Variants in LRRC40 observed in about 807,000 individuals in gnomAD.
LRRC40 encodes the protein leucine rich repeat containing 40.
LRRC40 carries 76 observed loss-of-function variants against 72.8 expected under a neutral mutation model. The ratio of observed to expected loss-of-function variants is 1.04; its 90% CI spans 0.87 to 1.26. LRRC40 has a LOEUF of 1.26. LRRC40 is among the 50% of genes most tolerant of loss of function. LRRC40 has a pLI of 0.00. For missense variants in LRRC40, 684 were observed against 698.9 expected (o/e 0.98, Z 0.24); for synonymous variants, 243 against 254.2 (o/e 0.96, Z 0.42).
rs751527008 is a variant in LRRC40 at position 70,187,243 on chromosome 1, A to C, written c.407+22T>G. 9.8e-6 allele frequency: 12 copies of C among 1,227,710 alleles called. No individual in the cohort carries two copies. In the Admixed American group the frequency reaches 2.2e-4, roughly 22 times the overall value. The allele number at this position is 1,227,710 out of a possible 1,614,324, so 76.1% of individuals were successfully genotyped here. ...AAACCATTATAAGGGCAATAATATA[A>C]GTAAATAAGCTTAATTTTTACCTGA... On this transcript the variant is annotated intron_variant, in intron 3 of 14. Coordinates refer to ENST00000370952, the MANE Select transcript of LRRC40 (RefSeq NM_017768.5).
chr1:70,163,601 C>T (rs1667813129), intron 9 of LRRC40, among the ~76,000 whole-genome samples: 1 of 152,154 alleles, frequency 6.6e-6, no homozygotes, highest in Non-Finnish European at 1.5e-5. Flanking sequence ...ATAATAATAT[C>T]CTTATTTTAA....
At chr1:70,180,455 T>TAAAC (rs1026309053) in intron 5 of LRRC40, 6 of 152,172 alleles carry the variant, frequency 3.9e-5, no homozygotes, top group Non-Finnish European at 8.8e-5. Context: ...ACAGTTTCTT[T>TAAAC]AAACAAACAA....
chr1:70,178,849 A>G lies in LRRC40; in HGVS notation c.804+2T>C. 1.3e-6 allele frequency: 2 copies of G among 1,557,726 alleles called. No homozygotes were observed. Among genetic ancestry groups the G allele is most frequent in the South Asian group, 1.2e-5 (1 of 83,994 alleles). ...GTTATTTAATAATCAACTAAATAGT[A>G]CCTTCAATAGACTACAAGAAGGAAA... On this transcript the variant is annotated splice_donor_variant, in intron 6 of 14. Coordinates refer to ENST00000370952, the MANE Select transcript of LRRC40 (RefSeq NM_017768.5). LOFTEE classifies it high-confidence loss of function.
chr1:70,194,594 T>G (rs1047893572), intron 1 of LRRC40, among the ~76,000 whole-genome samples: 1 of 152,062 alleles, frequency 6.6e-6, no homozygotes, highest in Non-Finnish European at 1.5e-5. Context: ...AAATGTGTAT[T>G]GAAATGCAAA....
rs780987203 is a variant in LRRC40, at chr1:70,205,413, A to G, written c.128T>C (p.Leu43Pro). 2.5e-6 allele frequency: 4 copies of G among 1,596,472 alleles called. No homozygotes were observed. In the Admixed American group the frequency reaches 5.0e-5, roughly 20 times the overall value. Residue 43 changes from leucine (L) to proline (P), a missense_variant, in exon 1 of 15, where the codon CTG becomes CCG. Leu to Pro is a moderately conservative substitution (Grantham distance 98). Transcript: ENST00000370952. ...ACCTTCACTGAGGTTTCTACCCGAC[A>G]GGTTTAACTGGCCGCTCTTCCTCGC... Reference protein sequence around the residue: ...KAARKSGQLNLSGRNLSEVPQ... With the variant: ...KAARKSGQLNPSGRNLSEVPQ...
At chr1:70,161,505 C>T (rs1224716334) in intron 9 of LRRC40, among the ~76,000 whole-genome samples, 8 of 149,194 alleles carry the variant, frequency 5.4e-5, no homozygotes, top group Admixed American at 2.7e-4. Flanking sequence ...TGCAAGATCG[C>T]GCCACTGCAC....
intron 1 of LRRC40, among the ~76,000 whole-genome samples, chr1:70,203,747 A>T (rs961867209): frequency 2.0e-5 from 3 of 152,226 alleles, no homozygotes; most frequent in Non-Finnish European, 2.9e-5. Context: ...ATGTTATGTG[A>T]GCAAAGATAG....
chr1:70,148,242 C>T (rs879292170), intron 14 of LRRC40, among the ~76,000 whole-genome samples: 1 of 150,896 alleles, frequency 6.6e-6, no homozygotes, highest in Non-Finnish European at 1.5e-5. Flanking sequence ...ACAGTGATAG[C>T]GAAAAGCCAC....
intron 1 of LRRC40, among the ~76,000 whole-genome samples, 174 bp downstream of exon 1, chr1:70,205,216 C>A (rs143426068): frequency 7.0e-4 from 106 of 152,294 alleles, no homozygotes; most frequent in African/African-American, 2.5e-3. Context: ...TGGGAAGGAA[C>A]TGAACTGGGC....
chr1:70,196,193 A>G (rs1668606704), intron 1 of LRRC40, among the ~76,000 whole-genome samples: 1 of 152,220 alleles, frequency 6.6e-6, no homozygotes, highest in African/African-American at 2.4e-5. Context: ...TCAAATGTCC[A>G]TCAACAGACT....
chr1:70,175,709 T>C lies in LRRC40; in HGVS notation c.977+101A>G, dbSNP rs555290146. ...CTCAATCAATATTTAGTGAATTCAATTTAGAAAAAAGGAACCTCTTGGTTT... is the reference window on the plus strand; with the variant it reads ...CTCAATCAATATTTAGTGAATTCAACTTAGAAAAAAGGAACCTCTTGGTTT... On this transcript the variant is annotated intron_variant, in intron 7 of 14. Coordinates refer to ENST00000370952, the MANE Select transcript of LRRC40 (RefSeq NM_017768.5). 3 of 837,038 alleles carry C rather than the reference T, an allele frequency of 3.6e-6. No individual in the cohort carries two copies. In the Admixed American group the frequency reaches 1.1e-4, roughly 30 times the overall value. The allele number at this position is 837,038 out of a possible 1,614,324, so 51.9% of individuals were successfully genotyped here.
chr1:70,165,130 T>C (rs1429989190), intron 9 of LRRC40, among the ~76,000 whole-genome samples: 1 of 152,192 alleles, frequency 6.6e-6, no homozygotes, highest in Admixed American at 6.5e-5. Context: ...ATAATGATCA[T>C]CTGTGGAGAA....
intron 6 of LRRC40, among the ~76,000 whole-genome samples, chr1:70,176,184 T>G (rs1668100237): frequency 6.6e-6 from 1 of 152,176 alleles, no homozygotes. Context: ...TGAGAAAATT[T>G]TTTGGCAATT....
intron 1 of LRRC40, among the ~76,000 whole-genome samples, chr1:70,204,105 A>T (rs1446324790): frequency 6.6e-6 from 1 of 152,238 alleles, no homozygotes; most frequent in Non-Finnish European, 1.5e-5. Flanking sequence ...GTGCTCTCTT[A>T]AAGTTTAACA....
chr1:70,154,068 C>T (rs1169738812), intron 11 of LRRC40, among the ~76,000 whole-genome samples: 1 of 150,874 alleles, frequency 6.6e-6, no homozygotes, highest in Non-Finnish European at 1.5e-5. Context: ...ACAAAGTTAA[C>T]CGAGTAAATC....
At chr1:70,177,405 C>T (rs1231936266) in intron 6 of LRRC40, among the ~76,000 whole-genome samples, 1 of 152,136 alleles carries the variant, frequency 6.6e-6, no homozygotes, top group African/African-American at 2.4e-5. Flanking sequence ...TGTGGTGAGC[C>T]TATGTTGTGA....
At position 70,184,183 on chromosome 1, in the gene LRRC40, AG is replaced by A. The variant is rs200673438; in HGVS notation, c.537+601del. ...AGAATCGCTTGAACCTGGGAGGTGG[AG>A]GTTGCAGTGAGCGAGATTGCGCCAC... is the stretch of plus-strand genomic sequence containing the variant. On this transcript the variant is annotated intron_variant, in intron 4 of 14. Coordinates refer to ENST00000370952, the MANE Select transcript of LRRC40 (RefSeq NM_017768.5). 8.8e-3 allele frequency among the ~76,000 whole-genome samples: 1,338 copies of A among 152,254 alleles called. 22 individuals are homozygous for A. The highest frequency in any genetic ancestry group is 0.03 in the African/African-American group (1,249 of 41,560).
intron 14 of LRRC40, among the ~76,000 whole-genome samples, chr1:70,147,584 TTTCCCCCAGAAG>T (rs1271238467): frequency 2.0e-5 from 3 of 152,172 alleles, no homozygotes; most frequent in Non-Finnish European, 4.4e-5. Context: ...AACCCCTGTA[TTTCCCCCAGAAG>T]CAATAGGTCA....
At chr1:70,161,379 C>T (rs1036400128) in intron 9 of LRRC40, among the ~76,000 whole-genome samples, 2 of 151,958 alleles carry the variant, frequency 1.3e-5, no homozygotes, top group East Asian at 3.9e-4. Context: ...CCACCACGCC[C>T]AGCCATGGAG....
Sources: allele counts gnomAD v4.1 joint callset (sites outside exome capture counted in the v4.1 genomes callset), GRCh38; gene constraint gnomAD v4.1.1; transcripts MANE v1.5; gene names NCBI Gene and HGNC (gene_info 2026-07-23, HGNC 2026-07-21).